Variants in ARK2C observed in about 807,000 individuals in gnomAD.
ARK2C encodes the protein arkadia (RNF111) C-terminal like ring finger ubiquitin ligase 2C.
the ARK2C span, chr18:46,435,529 G>A: frequency 2.8e-6 from 2 of 706,682 alleles, no homozygotes; most frequent in Non-Finnish European, 4.8e-6. Flanking sequence ...CCCAGCGTTT[G>A]CCTCTGCTCC....
chr18:46,396,171 C>G, the ARK2C span, among the ~76,000 whole-genome samples: 1 of 152,128 alleles, frequency 6.6e-6, no homozygotes, highest in Non-Finnish European at 1.5e-5. Flanking sequence ...TTCTATTGGC[C>G]AAAGCAAGTC....
the ARK2C span, among the ~76,000 whole-genome samples, chr18:46,436,482 A>G: frequency 3.9e-5 from 6 of 152,320 alleles, no homozygotes; most frequent in South Asian, 6.2e-4. Context: ...AAAATAATCT[A>G]TCAATGGAAA....
chr18:46,406,529 T>C, the ARK2C span, among the ~76,000 whole-genome samples: 13 of 152,204 alleles, frequency 8.5e-5, no homozygotes, highest in Admixed American at 6.5e-4. Context: ...GTGCCTCTCA[T>C]CTGTCTCATG....
chr18:46,458,663 C>T, the ARK2C span: 1 of 152,290 alleles, frequency 6.6e-6, no homozygotes, highest in African/African-American at 2.4e-5. Context: ...GCTCTGGCCA[C>T]CTGCAGGCAG....
chr18:46,460,530 A>T, the ARK2C span: 2 of 152,464 alleles, frequency 1.3e-5, no homozygotes, highest in Non-Finnish European at 2.9e-5. Context: ...TTGCATTTTT[A>T]ATTATAATTT....
chr18:46,341,819 C>T, the ARK2C span, among the ~76,000 whole-genome samples: 4 of 152,294 alleles, frequency 2.6e-5, no homozygotes, highest in Non-Finnish European at 2.9e-5. Context: ...ATCAGTATCC[C>T]GAAATCTGAG....
chr18:46,362,650 G>A, the ARK2C span, among the ~76,000 whole-genome samples: 1 of 152,214 alleles, frequency 6.6e-6, no homozygotes, highest in Non-Finnish European at 1.5e-5. Context: ...TGGTTTCTTG[G>A]CCTTAGCCAG....
the ARK2C span, among the ~76,000 whole-genome samples, chr18:46,368,773 A>T: frequency 6.6e-6 from 1 of 152,250 alleles, no homozygotes; most frequent in Non-Finnish European, 1.5e-5. Flanking sequence ...TCTGCCATTC[A>T]CTTGCTGTGG....
At chr18:46,455,913 C>A in the ARK2C span, 1 of 1,045,036 alleles carries the variant, frequency 9.6e-7, no homozygotes, top group African/African-American at 1.6e-5. Flanking sequence ...TGGGTGAAAA[C>A]CACCAGCCAC....
At chr18:46,345,142 G>A in the ARK2C span, among the ~76,000 whole-genome samples, 1 of 152,242 alleles carries the variant, frequency 6.6e-6, no homozygotes, top group Non-Finnish European at 1.5e-5. Context: ...GCTGCCACCT[G>A]CCACGGAACC....
chr18:46,362,698 A>G, the ARK2C span, among the ~76,000 whole-genome samples: 4 of 152,240 alleles, frequency 2.6e-5, no homozygotes, highest in Non-Finnish European at 5.9e-5. Context: ...ACAAAGAATA[A>G]TGCCCTGCGA....
chr18:46,387,698 G>A, the ARK2C span, among the ~76,000 whole-genome samples: 1 of 152,372 alleles, frequency 6.6e-6, no homozygotes, highest in Non-Finnish European at 1.5e-5. Context: ...ACCACAGATA[G>A]CTTCAGTTTG....
At chr18:46,436,051 G>GA in the ARK2C span, among the ~76,000 whole-genome samples, 2 of 152,200 alleles carry the variant, frequency 1.3e-5, no homozygotes, top group Non-Finnish European at 2.9e-5. Flanking sequence ...GAGATGCAGG[G>GA]TCGCTTGGTT....
At chr18:46,353,935 A>G in the ARK2C span, among the ~76,000 whole-genome samples, 29 of 152,192 alleles carry the variant, frequency 1.9e-4, no homozygotes, top group African/African-American at 7.0e-4. Context: ...TTTTATTGGA[A>G]GCCTGGAAAG....
the ARK2C span, among the ~76,000 whole-genome samples, chr18:46,437,042 C>T: frequency 6.6e-6 from 1 of 151,396 alleles, no homozygotes; most frequent in Non-Finnish European, 1.5e-5. Context: ...TTTATAGAGC[C>T]AAACCTCCTT....
At chr18:46,414,076 C>A in the ARK2C span, among the ~76,000 whole-genome samples, 1 of 152,214 alleles carries the variant, frequency 6.6e-6, no homozygotes, top group Non-Finnish European at 1.5e-5. Flanking sequence ...CATCCCCCAG[C>A]AGTTCTCATC....
At chr18:46,337,189 G>C in the ARK2C span, 15 of 985,260 alleles carry the variant, frequency 1.5e-5, no homozygotes, top group Admixed American at 5.5e-4. Context: ...AGCCTCCCCA[G>C]ACTGCCATTT....
the ARK2C span, among the ~76,000 whole-genome samples, chr18:46,427,230 TACAG>T: frequency 6.6e-6 from 1 of 152,236 alleles, no homozygotes; most frequent in East Asian, 1.9e-4. Context: ...CCTAGAATGT[TACAG>T]ACAGCCAGGT....
the ARK2C span, among the ~76,000 whole-genome samples, chr18:46,375,184 T>A: frequency 6.6e-6 from 1 of 152,218 alleles, no homozygotes; most frequent in African/African-American, 2.4e-5. Context: ...CAGGCCGCCC[T>A]GGCCGCATTC....
Sources: gnomAD v4.1 joint callset for allele counts (sites outside exome capture counted in the v4.1 genomes callset) on GRCh38, gnomAD v4.1.1 for gene constraint, MANE v1.5 for transcripts, NCBI Gene and HGNC (gene_info 2026-07-23, HGNC 2026-07-21) for gene names.